RBM33: variants seen among roughly 807,000 people sequenced by gnomAD.
RBM33 encodes the protein RNA binding motif protein 33.
RBM33 carries 28 observed loss-of-function variants against 132.6 expected under a neutral mutation model. The observed-to-expected ratio is 0.21, with a 90% CI of 0.16 to 0.29. RBM33 has a LOEUF of 0.29. RBM33 is among the 10% of genes least tolerant of loss of function. The pLI is 1.00. For synonymous variants in RBM33, 634 were observed against 593.0 expected, an observed-to-expected ratio of 1.07 and a Z score of -1.01; for missense variants, 1,291 against 1,518.5, an observed-to-expected ratio of 0.85 and a Z score of 2.49.
chr7:155,744,659 A>G (rs1006345043), intron 13 of RBM33, among the ~76,000 whole-genome samples: 2 of 152,238 alleles, frequency 1.3e-5, no homozygotes, highest in African/African-American at 2.4e-5. Flanking sequence ...CCTGTTTGAA[A>G]CATATTTTGA....
chr7:155,647,326 TGTATA>T (rs1798227674), intron 1 of RBM33, among the ~76,000 whole-genome samples: 1 of 152,226 alleles, frequency 6.6e-6, no homozygotes, highest in Non-Finnish European at 1.5e-5. Context: ...ACTGGTCTCT[TGTATA>T]GTAAGTGGTT....
At position 155,651,157 on chromosome 7, in the gene RBM33, C is replaced by T. The variant is rs183963442; in HGVS notation, c.43+6238C>T. 1.7e-3 allele frequency among the ~76,000 whole-genome samples: 264 copies of T among 152,234 alleles called. 1 individual carries two copies. The highest frequency in any genetic ancestry group is 8.5e-3 in the South Asian group (41 of 4,818). On this transcript the variant is annotated intron_variant, in intron 1 of 17. Transcript: ENST00000401878. The stretch of plus-strand genomic sequence containing the variant: ...CCTCCCAAAGTGCTAGGATTACAGG[C>T]GTGAGCCACTGCACCTGGCCGACAG...
rs115589853 is a variant in RBM33 at position 155,740,699 on chromosome 7, A to G, written c.2049+673A>G. Among the ~76,000 whole-genome samples, 1,070 of 152,372 alleles carry G rather than the reference A, an allele frequency of 7.0e-3. 17 individuals are homozygous for G. The highest frequency in any genetic ancestry group is 0.024 in the African/African-American group (1,004 of 41,584). On this transcript the variant is annotated intron_variant, in intron 12 of 17. Coordinates refer to ENST00000401878, the MANE Select transcript of RBM33 (RefSeq NM_053043.3). ...TCATTGCCCTTGTCCTCCATTAAAT[A>G]CATATAAGAAGCTTTTGTAATTTTG...
At chr7:155,661,604 C>A (rs768684202) in intron 1 of RBM33, among the ~76,000 whole-genome samples, 1 of 151,748 alleles carries the variant, frequency 6.6e-6, no homozygotes, top group Non-Finnish European at 1.5e-5. Flanking sequence ...GACGGAGTTT[C>A]GCCATGTTGG....
chr7:155,673,402 T>TTGTGTG (rs200441063), intron 3 of RBM33, among the ~76,000 whole-genome samples: 2 of 45,162 alleles, frequency 4.4e-5, no homozygotes, highest in Non-Finnish European at 9.1e-5. Context: ...TTTATATATA[T>TTGTGTG]TGTGTGTGTG....
chr7:155,681,717 G>A (rs550502891), intron 5 of RBM33, among the ~76,000 whole-genome samples: 21 of 152,078 alleles, frequency 1.4e-4, no homozygotes, highest in Admixed American at 3.3e-4. Flanking sequence ...TGCAAAATTG[G>A]GGCCTTAAAG....
chr7:155,665,387 T>A (rs1585410780), intron 2 of RBM33, 134 bp downstream of exon 2: 2 of 705,146 alleles, frequency 2.8e-6, no homozygotes, highest in Non-Finnish European at 2.5e-6. Context: ...CTGTCCCTCC[T>A]GAGCTAAAGT....
rs188128963 is a variant in RBM33 at position 155,718,257 on chromosome 7, G to A, written c.1202-128G>A. The stretch of plus-strand genomic sequence containing the variant: ...TAAAAATACTAAATGCTTAGCTTAA[G>A]CGTAAGCACAATGTATTATATGTCT... On this transcript the variant is annotated intron_variant, in intron 8 of 17. Transcript: ENST00000401878. 6.1e-4 allele frequency: 393 copies of A among 645,144 alleles called. 3 individuals carry two copies. Among genetic ancestry groups the A allele is most frequent in the Middle Eastern group, 5.3e-3 (20 of 3,756 alleles). The allele number at this position is 645,144 out of a possible 1,614,324, so 40.0% of individuals were successfully genotyped here.
intron 14 of RBM33, among the ~76,000 whole-genome samples, chr7:155,752,640 C>G (rs1186120344): frequency 6.6e-6 from 1 of 152,204 alleles, no homozygotes; most frequent in East Asian, 1.9e-4. Flanking sequence ...ACGTGCATCA[C>G]ATGCTTCTGA....
At position 155,711,073 on chromosome 7, in the gene RBM33, T is replaced by C. The variant is rs143278408; in HGVS notation, c.949-130T>C. 5,626 of 1,330,306 alleles carry C rather than the reference T, an allele frequency of 4.2e-3. 27 individuals are homozygous for C. Among genetic ancestry groups the C allele is most frequent in the Middle Eastern group, 0.014 (70 of 5,158 alleles). 82.4% of individuals were successfully genotyped at this position (1,330,306 alleles called of 1,614,324 possible). The stretch of plus-strand genomic sequence containing the variant: ...AGTTGTTACTACAGACTTCTTACAT[T>C]GTAACTTAAAAAATGCAATCAGTGT... On this transcript the variant is annotated intron_variant, in intron 7 of 17. Coordinates refer to ENST00000401878, the MANE Select transcript of RBM33 (RefSeq NM_053043.3).
intron 1 of RBM33, 61 bp downstream of exon 1, chr7:155,644,980 C>T: frequency 7.6e-7 from 1 of 1,311,216 alleles, no homozygotes; most frequent in Non-Finnish European, 1.0e-6. Flanking sequence ...GGGGTGTAGG[C>T]CGGGGGGCCT....
intron 5 of RBM33, among the ~76,000 whole-genome samples, chr7:155,685,500 C>A (rs1488640793): frequency 6.6e-6 from 1 of 152,110 alleles, no homozygotes; most frequent in Non-Finnish European, 1.5e-5. Flanking sequence ...GAAAAAAGAC[C>A]TGTAAATACC....
intron 14 of RBM33, among the ~76,000 whole-genome samples, chr7:155,751,009 A>T (rs1000166627): frequency 2.0e-5 from 3 of 152,162 alleles, no homozygotes; most frequent in African/African-American, 7.2e-5. Context: ...TATTTGTGGG[A>T]TCATGCATTT....
chr7:155,649,882 C>T (rs1242357236), intron 1 of RBM33, among the ~76,000 whole-genome samples: 1 of 152,228 alleles, frequency 6.6e-6, no homozygotes, highest in African/African-American at 2.4e-5. Flanking sequence ...CCAACCTTAG[C>T]CTCACCTTCT....
At chr7:155,646,244 G>T (rs1047836591) in intron 1 of RBM33, among the ~76,000 whole-genome samples, 2 of 152,030 alleles carry the variant, frequency 1.3e-5, no homozygotes, top group African/African-American at 4.8e-5. Flanking sequence ...GATGGCTAAT[G>T]GAATATATGC....
intron 1 of RBM33, among the ~76,000 whole-genome samples, chr7:155,662,738 C>G (rs1436834277): frequency 6.6e-6 from 1 of 151,976 alleles, no homozygotes; most frequent in Non-Finnish European, 1.5e-5. Flanking sequence ...ATGAGTGGGA[C>G]CTGAGTGGAA....
chr7:155,694,850 G>T (rs1211129073), intron 5 of RBM33, among the ~76,000 whole-genome samples: 3 of 152,180 alleles, frequency 2.0e-5, no homozygotes, highest in Non-Finnish European at 1.5e-5. Flanking sequence ...TATGAATAAA[G>T]CTACTAAAAG....
chr7:155,682,998 G>T (rs575320351), intron 5 of RBM33, among the ~76,000 whole-genome samples: 36 of 149,614 alleles, frequency 2.4e-4, no homozygotes, highest in Admixed American at 9.9e-4. Context: ...CAGAATTAAA[G>T]TCTTGAAGTA....
At chr7:155,716,155 C>T (rs1474210518) in intron 8 of RBM33, among the ~76,000 whole-genome samples, 1 of 152,124 alleles carries the variant, frequency 6.6e-6, no homozygotes, top group Non-Finnish European at 1.5e-5. Flanking sequence ...CTGCAGTAGT[C>T]GGGCAGCCAG....
Sources: gnomAD v4.1 joint callset for allele counts (sites outside exome capture counted in the v4.1 genomes callset) on GRCh38, gnomAD v4.1.1 for gene constraint, MANE v1.5 for transcripts, NCBI Gene and HGNC (gene_info 2026-07-23, HGNC 2026-07-21) for gene names.